Variants in PDE7A observed in about 807,000 individuals in gnomAD.
The protein encoded by PDE7A is high affinity 3',5'-cyclic-AMP phosphodiesterase 7A.
A neutral mutation model predicts 64.3 loss-of-function variants in PDE7A; 39 were observed. That is an observed-to-expected ratio of 0.61 (90% confidence interval 0.47 to 0.79). The LOEUF (loss-of-function observed/expected upper bound fraction) is 0.79, where lower values mean the gene tolerates loss of function less well. Among genes scored for constraint, PDE7A ranks in the 30% least tolerant of loss-of-function variants. The probability of loss-of-function intolerance (pLI) is 0.00; values close to 1 mark genes in which losing one functional copy is unlikely to be tolerated. For missense variants in PDE7A, 470 were observed against 582.8 expected (o/e 0.81, Z 1.99); for synonymous variants, 203 against 206.8 (o/e 0.98, Z 0.16).
At chr8:65,796,170 G>T (rs779538325) in intron 1 of PDE7A, among the ~76,000 whole-genome samples, 1 of 150,900 alleles carries the variant, frequency 6.6e-6, no homozygotes, top group African/African-American at 2.4e-5. Context: ...GTGAGCCTGC[G>T]GGACAACATC....
chr8:65,789,716 C>T (rs1057429574), intron 1 of PDE7A, among the ~76,000 whole-genome samples: 1 of 152,176 alleles, frequency 6.6e-6, no homozygotes, highest in Non-Finnish European at 1.5e-5. Flanking sequence ...TTCTATTCAT[C>T]CATCTTCATA....
chr8:65,781,174 G>C (rs781437166), intron 2 of PDE7A, among the ~76,000 whole-genome samples: 1 of 152,166 alleles, frequency 6.6e-6, no homozygotes, highest in East Asian at 1.9e-4. Context: ...GTCAGAGAAG[G>C]CCTCACTGAA....
In PDE7A at chr8:65,763,565, C is replaced by CAA. The variant is rs10706103; in HGVS notation, c.284-15764_284-15763dup. ...GGGCAACAAGAGTGAAACTCCGTCT[C>CAA]AAAAAAAAAAAGATTGATTACTCTT... On this transcript the variant is annotated intron_variant, in intron 3 of 12. Coordinates refer to ENST00000401827, the MANE Select transcript of PDE7A (RefSeq NM_001242318.3). Among the ~76,000 whole-genome samples, 90 of 147,272 alleles carry CAA rather than the reference C, an allele frequency of 6.1e-4. 1 individual carries two copies. Among genetic ancestry groups the CAA allele is most frequent in the Admixed American group, 3.4e-3 (50 of 14,768 alleles).
At chr8:65,803,196 AG>A (rs1402425843) in intron 1 of PDE7A, among the ~76,000 whole-genome samples, 2 of 152,210 alleles carry the variant, frequency 1.3e-5, no homozygotes, top group African/African-American at 4.8e-5. Flanking sequence ...TAATATATTC[AG>A]GCATATCGAT....
chr8:65,739,145 T>C (rs1807287314), intron 6 of PDE7A, among the ~76,000 whole-genome samples: 1 of 152,206 alleles, frequency 6.6e-6, no homozygotes, highest in Non-Finnish European at 1.5e-5. Context: ...TCTTTTTTGT[T>C]TTTAATGTAA....
intron 1 of PDE7A, among the ~76,000 whole-genome samples, chr8:65,812,730 GA>G (rs1810285927): frequency 1.3e-5 from 2 of 151,972 alleles, no homozygotes; most frequent in Non-Finnish European, 2.9e-5. Flanking sequence ...ACGTATTTTT[GA>G]AAAATACAAA....
chr8:65,747,629 T>G, intron 4 of PDE7A, 23 bp downstream of exon 4: 2 of 1,520,206 alleles, frequency 1.3e-6, no homozygotes, highest in Non-Finnish European at 1.8e-6. Context: ...AAATTAATGT[T>G]TTCTTAAAAA....
At chr8:65,754,910 A>G (rs1027373388) in intron 3 of PDE7A, among the ~76,000 whole-genome samples, 2 of 149,820 alleles carry the variant, frequency 1.3e-5, no homozygotes, top group Non-Finnish European at 3.0e-5. Flanking sequence ...GGTTGCAGTG[A>G]GCCGAGATCG....
At chr8:65,828,710 T>C (rs140562152) in intron 1 of PDE7A, among the ~76,000 whole-genome samples, 213 of 152,246 alleles carry the variant, frequency 1.4e-3, no homozygotes, top group Non-Finnish European at 2.4e-3. Context: ...CAACTCCACA[T>C]ATAAGATTAC....
rs191978820 is a variant in PDE7A at position 65,718,980 on chromosome 8, T to C, written c.*310A>G. Reference sequence around the variant, plus strand: ...AATTCAAGTTTCACGTTTTGAAGATTAGATGCTTTGAAAAAGTCGTGGCAC... The same window carrying C: ...AATTCAAGTTTCACGTTTTGAAGATCAGATGCTTTGAAAAAGTCGTGGCAC... On this transcript the variant is annotated 3_prime_UTR_variant, in exon 13 of 13. Transcript: ENST00000401827. 9 of 377,882 alleles carry C rather than the reference T, an allele frequency of 2.4e-5. No homozygotes were observed. The Admixed American group carries it at 2.7e-4, about 11-fold the overall frequency. 23.4% of individuals were successfully genotyped at this position (377,882 alleles called of 1,614,324 possible). A position where few individuals can be genotyped will look rare whatever the true frequency, so the allele number is the denominator to read the frequency against.
At chr8:65,752,802 G>A (rs1355806904) in intron 3 of PDE7A, among the ~76,000 whole-genome samples, 1 of 152,060 alleles carries the variant, frequency 6.6e-6, no homozygotes, top group Non-Finnish European at 1.5e-5. Flanking sequence ...ACACCTTTAT[G>A]TGTTTTCTAT....
chr8:65,823,209 G>T (rs1810584667), intron 1 of PDE7A, among the ~76,000 whole-genome samples: 2 of 151,996 alleles, frequency 1.3e-5, no homozygotes, highest in South Asian at 4.2e-4. Context: ...AAATAGAAAT[G>T]AGCTGAGGCC....
At chr8:65,788,874 T>C in intron 1 of PDE7A, 1 of 1,573,854 alleles carries the variant, frequency 6.4e-7, no homozygotes, top group Non-Finnish European at 8.7e-7. Context: ...AAAATAAAGA[T>C]GGCCTACCTT....
intron 1 of PDE7A, among the ~76,000 whole-genome samples, chr8:65,837,626 G>C (rs536407172): frequency 6.6e-6 from 1 of 152,186 alleles, no homozygotes; most frequent in Non-Finnish European, 1.5e-5. Context: ...TCATGTGGAC[G>C]ATCTTAACAC....
chr8:65,833,624 A>G (rs758131673), intron 1 of PDE7A, among the ~76,000 whole-genome samples: 1 of 152,174 alleles, frequency 6.6e-6, no homozygotes, highest in Non-Finnish European at 1.5e-5. Flanking sequence ...TTTGGTAAAA[A>G]TGAGAGTAAT....
At chr8:65,794,663 T>C (rs1056256303) in intron 1 of PDE7A, among the ~76,000 whole-genome samples, 1 of 152,102 alleles carries the variant, frequency 6.6e-6, no homozygotes, top group African/African-American at 2.4e-5. Flanking sequence ...TTGAATTGAA[T>C]AGTACTATTT....
intron 1 of PDE7A, among the ~76,000 whole-genome samples, chr8:65,817,781 C>T (rs1430478216): frequency 7.2e-5 from 10 of 138,440 alleles, no homozygotes; most frequent in Non-Finnish European, 7.6e-5. Context: ...GAGATGGAGT[C>T]TCACTCTGTC....
intron 3 of PDE7A, among the ~76,000 whole-genome samples, chr8:65,776,345 T>A (rs1809258743): frequency 6.6e-6 from 1 of 152,202 alleles, no homozygotes; most frequent in East Asian, 1.9e-4. Context: ...TCACCTTGAC[T>A]TAATTATTAT....
At chr8:65,721,024 T>A (rs1389541938) in intron 12 of PDE7A, among the ~76,000 whole-genome samples, 1 of 152,214 alleles carries the variant, frequency 6.6e-6, no homozygotes, top group African/African-American at 2.4e-5. Context: ...ACAAATTAGC[T>A]ATCACTTCTG....
Sources: gnomAD v4.1 joint callset for allele counts (sites outside exome capture counted in the v4.1 genomes callset) on GRCh38, gnomAD v4.1.1 for gene constraint, MANE v1.5 for transcripts, NCBI Gene and HGNC (gene_info 2026-07-23, HGNC 2026-07-21) for gene names.